The following ZNF333 variants were observed in gnomAD, a reference collection of about 807,000 sequenced individuals.
ZNF333 encodes the protein zinc finger protein 333.
Under a neutral mutation model 76.1 loss-of-function variants are expected in ZNF333, and 61 were observed. The observed-to-expected ratio is 0.80, with a 90% CI of 0.65 to 0.99. The LOEUF (loss-of-function observed/expected upper bound fraction) is 0.99, where lower values mean the gene tolerates loss of function less well. ZNF333 is among the 50% of genes least tolerant of loss of function. The probability of loss-of-function intolerance (pLI) is 0.00; values close to 1 mark genes in which losing one functional copy is unlikely to be tolerated. For missense variants in ZNF333, 717 were observed against 822.4 expected (o/e 0.87, Z 1.57); for synonymous variants, 284 against 305.0 (o/e 0.93, Z 0.72).
chr19:14,717,581 C>T, intron 10 of ZNF333, 76 bp from the exon 11 acceptor site: 1 of 1,304,930 alleles, frequency 7.7e-7, no homozygotes. Flanking sequence ...ATGTGCCTTG[C>T]CTACTTTTGA....
intron 7 of ZNF333, among the ~76,000 whole-genome samples, chr19:14,714,539 C>T (rs528133987): frequency 2.0e-5 from 3 of 152,170 alleles, no homozygotes; most frequent in Middle Eastern, 3.4e-3. Context: ...TCTAAAACTG[C>T]GAGAGGATAC....
chr19:14,726,225 T>C (rs1054712113), downstream of ZNF333, among the ~76,000 whole-genome samples: 5 of 152,290 alleles, frequency 3.3e-5, no homozygotes, highest in African/African-American at 1.2e-4. Flanking sequence ...ACGTGGAGAA[T>C]GGTGTCCAAA....
intron 6 of ZNF333, chr19:14,705,988 TG>T: frequency 4.7e-6 from 2 of 422,536 alleles, no homozygotes; most frequent in East Asian, 1.4e-4. Flanking sequence ...CACTCGTCCC[TG>T]CCCTGTTCCC....
At chr19:14,704,985 G>A (rs2042066923) in intron 5 of ZNF333, 69 bp from the exon 6 acceptor site, 2 of 1,495,564 alleles carry the variant, frequency 1.3e-6, no homozygotes, top group Admixed American at 1.8e-5. Flanking sequence ...CCAAACCAAA[G>A]GTCTCTCGGG....
chr19:14,722,369 A>G (rs2042600028), downstream of ZNF333, among the ~76,000 whole-genome samples: 1 of 152,224 alleles, frequency 6.6e-6, no homozygotes, highest in Non-Finnish European at 1.5e-5. Flanking sequence ...GGCTGGAAGA[A>G]CACACGTTGG....
rs751082298 is a variant in ZNF333 at position 14,719,236 on chromosome 19, A to G, written c.1909A>G (p.Lys637Glu). 3 of 1,614,252 alleles carry G rather than the reference A, an allele frequency of 1.9e-6. No homozygotes were observed. Among genetic ancestry groups the G allele is most frequent in the East Asian group, 2.2e-5 (1 of 44,884 alleles). Residue 637 changes from lysine (K) to glutamate (E), a missense_variant, in exon 12 of 12, where the codon AAA (lysine) becomes GAA (glutamate). By Grantham distance (56) the Lys-to-Glu change is moderately conservative. Transcript: ENST00000292530. ...GCACAGCTCCTCACTCACTGTACACAAAAGAACCCATGTGGGAAGAGAGAC... is the reference window on the plus strand; with the variant it reads ...GCACAGCTCCTCACTCACTGTACACGAAAGAACCCATGTGGGAAGAGAGAC... ...FRHSSSLTVH[K>E]RTHVGRETIR...
intron 6 of ZNF333, 32 bp downstream of exon 6, chr19:14,705,202 C>T (rs1293678243): frequency 1.3e-6 from 2 of 1,596,432 alleles, no homozygotes; most frequent in Non-Finnish European, 1.7e-6. Flanking sequence ...TGTGATGGCA[C>T]CAGGTGCAGT....
chr19:14,728,249 A>C (rs1172631027), intron 11 of ZNF333, among the ~76,000 whole-genome samples: 1 of 152,242 alleles, frequency 6.6e-6, no homozygotes, highest in Non-Finnish European at 1.5e-5. Context: ...TCAAGCTGCA[A>C]AATTTGAGCT....
Position 14,718,375 on chromosome 19 carries a change from A to C in ZNF333, c.1048A>C (p.Ser350Arg), listed in dbSNP as rs2042498538. 6.2e-7 allele frequency: 1 copy of C among 1,614,216 alleles called. No homozygotes were observed. The highest frequency in any genetic ancestry group is 1.3e-5 in the African/African-American group (1 of 75,064). The change falls in exon 12 of 12, where the codon AGT becomes CGT. Residue 350 changes from serine to arginine, a missense_variant. By Grantham distance (110) the Ser-to-Arg change is moderately radical (BLOSUM62 -1). Transcript: ENST00000292530. ...CQEIRNSFFQSAHLIVPEKIR... is the reference protein window; with the variant it reads ...CQEIRNSFFQRAHLIVPEKIR... ...AGAGATTAGAAATTCCTTCTTCCAGAGTGCCCACCTAATTGTGCCCGAGAA... is the reference window on the plus strand; with the variant it reads ...AGAGATTAGAAATTCCTTCTTCCAGCGTGCCCACCTAATTGTGCCCGAGAA...
At position 14,720,609 on chromosome 19, in the gene ZNF333, GT is replaced by G. The variant is rs990078653; in HGVS notation, c.*1289del. 1.0e-6 allele frequency: 1 copy of G among 985,044 alleles called. No homozygotes were observed. Among genetic ancestry groups the G allele is most frequent in the Non-Finnish European group, 1.2e-6 (1 of 829,886 alleles). 61.0% of individuals were successfully genotyped at this position (985,044 alleles called of 1,614,324 possible). On this transcript the variant is annotated 3_prime_UTR_variant, in exon 12 of 12. Transcript: ENST00000292530. The stretch of plus-strand genomic sequence containing the variant: ...TTACTGGTACAGTTTTCTTTTGTTT[GT>G]TTTTGTTTTTGGTGGGAGGTTTATT...
exon 12 of ZNF333, chr19:14,733,236 G>C (rs1321906991): frequency 2.0e-5 from 3 of 152,182 alleles, no homozygotes; most frequent in African/African-American, 2.4e-5. Context: ...CAGAGCAGGA[G>C]CCCCGTTATT....
chr19:14,696,401 G>A (rs1443577836), intron 4 of ZNF333, among the ~76,000 whole-genome samples: 1 of 152,126 alleles, frequency 6.6e-6, no homozygotes, highest in African/African-American at 2.4e-5. Context: ...TCTATGGATT[G>A]TCCTATATAG....
At chr19:14,702,320 G>A (rs2041980238) in intron 5 of ZNF333, among the ~76,000 whole-genome samples, 1 of 152,190 alleles carries the variant, frequency 6.6e-6, no homozygotes, top group Admixed American at 6.5e-5. Context: ...TTTGAAACCA[G>A]CCTGGGCAAT....
chr19:14,693,427 AC>A, intron 1 of ZNF333, 23 bp from the exon 2 acceptor site: 1 of 1,563,486 alleles, frequency 6.4e-7, no homozygotes, highest in Non-Finnish European at 8.7e-7. Context: ...CCCTTCTTTT[AC>A]CTCAGTGTCT....
chr19:14,713,369 T>C (rs2042333090), intron 7 of ZNF333, among the ~76,000 whole-genome samples: 1 of 152,260 alleles, frequency 6.6e-6, no homozygotes, highest in African/African-American at 2.4e-5. Context: ...TCATTTTGGG[T>C]ACCTTCTATT....
chr19:14,704,992 C>T (rs35325242), intron 5 of ZNF333, 62 bp from the exon 6 acceptor site: 297,073 of 1,532,130 alleles, frequency 0.19, 30,659 homozygotes, highest in Middle Eastern at 0.22. Flanking sequence ...AAAGGTCTCT[C>T]GGGCTGAGAA....
Position 14,718,815 on chromosome 19 carries a change from T to A in ZNF333, c.1488T>A (p.His496Gln). Residue 496 changes from histidine (H) to glutamine (Q), a missense_variant, in exon 12 of 12, where the codon CAT (histidine) becomes CAA (glutamine). Transcript: ENST00000292530. ...GGGAACACTCTTCACTGAAGACACA[T>A]CTGCGAACCCATACCAGAGAGAAAC... ...AFREHSSLKT[H>Q]LRTHTREKPY... 6.2e-7 allele frequency: 1 copy of A among 1,613,686 alleles called. No homozygotes were observed. Among genetic ancestry groups the A allele is most frequent in the Non-Finnish European group, 8.5e-7 (1 of 1,179,912 alleles).
At position 14,719,562 on chromosome 19, in the gene ZNF333, A is replaced by G; in HGVS notation, c.*237A>G. The G allele has an allele frequency of 7.3e-6, 8 of 1,100,006 alleles. No homozygotes were observed. The highest frequency in any genetic ancestry group is 9.6e-6 in the Non-Finnish European group (8 of 832,506). The allele number at this position is 1,100,006 out of a possible 1,614,324, so 68.1% of individuals were successfully genotyped here. A position where few individuals can be genotyped will look rare whatever the true frequency, so the allele number is the denominator to read the frequency against. Reference sequence around the variant, plus strand: ...TAATGACTTATAGTGAAATGCATACATCTGAAGTGTACAGTTGGATGAGTT... The same window carrying G: ...TAATGACTTATAGTGAAATGCATACGTCTGAAGTGTACAGTTGGATGAGTT... On this transcript the variant is annotated 3_prime_UTR_variant, in exon 12 of 12. Coordinates refer to ENST00000292530, the MANE Select transcript of ZNF333 (RefSeq NM_032433.4).
intron 11 of ZNF333, chr19:14,731,111 C>G: frequency 6.9e-7 from 1 of 1,448,688 alleles, no homozygotes; most frequent in Non-Finnish European, 9.4e-7. Context: ...AAGGATTGGC[C>G]CCTTTATTCA....
Sources: allele counts gnomAD v4.1 joint callset (sites outside exome capture counted in the v4.1 genomes callset), GRCh38; gene constraint gnomAD v4.1.1; transcripts MANE v1.5; gene names NCBI Gene and HGNC (gene_info 2026-07-23, HGNC 2026-07-21).